The following WNT5A variants were observed in gnomAD, a reference collection of about 807,000 sequenced individuals.
WNT5A encodes Wnt family member 5A.
Under a neutral mutation model 42.1 loss-of-function variants are expected in WNT5A, and 9 were observed. The ratio of observed to expected loss-of-function variants is 0.21; its 90% CI spans 0.13 to 0.37. WNT5A has a LOEUF of 0.37. WNT5A is among the 10% of genes least tolerant of loss of function. The pLI is 1.00. For synonymous variants in WNT5A, 210 were observed against 210.0 expected (o/e 1.00, Z 0.00); for missense variants, 426 against 534.0 (o/e 0.80, Z 1.99).
intron 1 of WNT5A, among the ~76,000 whole-genome samples, chr3:55,486,458 G>T (rs913504930): frequency 6.6e-6 from 1 of 152,224 alleles, no homozygotes; most frequent in Admixed American, 6.5e-5. Context: ...CGTCGGTGCG[G>T]GGGGGTGTCG....
intron 1 of WNT5A, 146 bp from the exon 2 acceptor site, chr3:55,481,064 TA>T: frequency 1.1e-6 from 1 of 890,960 alleles, no homozygotes; most frequent in Non-Finnish European, 1.5e-6. Context: ...GATGGCAAGA[TA>T]TAGGCAGTTT....
At chr3:55,499,983 A>ACC in the WNT5A span, among the ~76,000 whole-genome samples, 238 of 12,052 alleles carry the variant, frequency 0.02, 2 homozygotes, top group African/African-American at 0.2. Flanking sequence ...CCCCCTCCAA[A>ACC]AAAAAAAAAA....
the WNT5A span, among the ~76,000 whole-genome samples, chr3:55,504,756 G>A: frequency 1.3e-5 from 2 of 152,236 alleles, 1 homozygote; most frequent in Admixed American, 1.3e-4. Flanking sequence ...AAGCCACTGT[G>A]CCCGGCCTAG....
intron 4 of WNT5A, among the ~76,000 whole-genome samples, chr3:55,471,164 G>C (rs1481474362): frequency 6.6e-6 from 1 of 152,170 alleles, no homozygotes; most frequent in Non-Finnish European, 1.5e-5. Flanking sequence ...CTGTGCACCA[G>C]GCACTATAAG....
intron 2 of WNT5A, 120 bp from the exon 3 acceptor site, chr3:55,479,684 C>T: frequency 7.4e-7 from 1 of 1,343,524 alleles, no homozygotes; most frequent in Non-Finnish European, 1.0e-6. Flanking sequence ...CCTGCTTGTC[C>T]TCATGACAAA....
rs2051184976 is a variant in WNT5A, at chr3:55,468,401, C to T, written c.*1691G>A. 6.6e-6 allele frequency: 1 copy of T among 152,078 alleles called. No individual in the cohort carries two copies. Among genetic ancestry groups the T allele is most frequent in the South Asian group, 2.1e-4 (1 of 4,820 alleles). The allele number at this position is 152,078 out of a possible 1,614,324, so 9.4% of individuals were successfully genotyped here. A position where few individuals can be genotyped will look rare whatever the true frequency, so the allele number is the denominator to read the frequency against. On this transcript the variant is annotated 3_prime_UTR_variant, in exon 5 of 5. Transcript: ENST00000264634. ...AGGCAGAAAAGAAAAAAGATATCTT[C>T]AACCCAACACGCATTTCAGTGAGTC... is the stretch of plus-strand genomic sequence containing the variant.
upstream of WNT5A, among the ~76,000 whole-genome samples, chr3:55,491,861 C>T (rs533552607): frequency 1.4e-4 from 21 of 152,350 alleles, no homozygotes; most frequent in African/African-American, 5.1e-4. Context: ...GCTGTGTGAG[C>T]AGGGCCACAG....
At chr3:55,503,484 C>G in the WNT5A span, among the ~76,000 whole-genome samples, 3 of 152,294 alleles carry the variant, frequency 2.0e-5, no homozygotes, top group East Asian at 1.9e-4. Context: ...GCTGTGGAGT[C>G]AGGATTTTAA....
the WNT5A span, among the ~76,000 whole-genome samples, chr3:55,501,413 A>T: frequency 1.2e-4 from 19 of 152,382 alleles, no homozygotes; most frequent in African/African-American, 4.3e-4. Context: ...GTGCACGCAC[A>T]GTTTTGGAGG....
intron 2 of WNT5A, among the ~76,000 whole-genome samples, chr3:55,480,363 A>C (rs1031822349): frequency 1.3e-5 from 2 of 152,238 alleles, no homozygotes; most frequent in Non-Finnish European, 2.9e-5. Flanking sequence ...AACTCTGCCT[A>C]ATTCAAACTC....
At chr3:55,477,003 G>A (rs2106932343) in intron 3 of WNT5A, among the ~76,000 whole-genome samples, 1 of 152,316 alleles carries the variant, frequency 6.6e-6, no homozygotes, top group Non-Finnish European at 1.5e-5. Context: ...CAAGGCAACT[G>A]GCATCTTAGA....
At chr3:55,504,702 G>C in the WNT5A span, among the ~76,000 whole-genome samples, 1 of 152,164 alleles carries the variant, frequency 6.6e-6, no homozygotes, top group African/African-American at 2.4e-5. Context: ...AACCTCAGGT[G>C]ATCTGCCCAC....
At position 55,487,076 on chromosome 3, in the gene WNT5A, G is replaced by T. The variant is rs1341030007; in HGVS notation, c.-91C>A. 1.7e-6 allele frequency: 2 copies of T among 1,165,590 alleles called. No homozygotes were observed. Among genetic ancestry groups the T allele is most frequent in the Non-Finnish European group, 2.5e-6 (2 of 800,172 alleles). 72.2% of individuals were successfully genotyped at this position (1,165,590 alleles called of 1,614,324 possible). ...GGAGCGACCGGGTTAAGCCTGGGGG[G>T]ACGGTCAGGAGCAGGGCTGCGGAGT... On this transcript the variant is annotated 5_prime_UTR_variant, in exon 1 of 5. Transcript: ENST00000264634.
At chr3:55,501,378 C>T in the WNT5A span, among the ~76,000 whole-genome samples, 2 of 152,168 alleles carry the variant, frequency 1.3e-5, no homozygotes, top group Non-Finnish European at 2.9e-5. Flanking sequence ...TTCATTTTAC[C>T]TAGTTCTTAC....
chr3:55,471,833 C>T (rs527949144), intron 4 of WNT5A, among the ~76,000 whole-genome samples: 1 of 152,302 alleles, frequency 6.6e-6, no homozygotes, highest in South Asian at 2.1e-4. Flanking sequence ...CTGTCAGGAA[C>T]CTGGAAGCTG....
intron 1 of WNT5A, among the ~76,000 whole-genome samples, chr3:55,482,388 T>C (rs2106967504): frequency 6.6e-6 from 1 of 152,204 alleles, no homozygotes; most frequent in South Asian, 2.1e-4. Flanking sequence ...AGTCTAACCC[T>C]GCCGCACTGC....
At chr3:55,472,393 G>A (rs1186232478) in intron 4 of WNT5A, among the ~76,000 whole-genome samples, 1 of 152,160 alleles carries the variant, frequency 6.6e-6, no homozygotes, top group Non-Finnish European at 1.5e-5. Context: ...CTGGATAGGG[G>A]CCTTTAAGAG....
At position 55,474,623 on chromosome 3, in the gene WNT5A, C is replaced by A. The variant is rs1300391603; in HGVS notation, c.398G>T (p.Arg133Leu). 1.6e-6 allele frequency: 2 copies of A among 1,233,712 alleles called. No homozygotes were observed. The highest frequency in any genetic ancestry group is 1.8e-5 in the African/African-American group (1 of 57,142). 76.4% of individuals were successfully genotyped at this position (1,233,712 alleles called of 1,614,324 possible). ...VFGRVMQIGS[R>L]ETAFTYAVSA... Reference sequence around the variant, plus strand: ...CACCGCGTATGTGAAGGCCGTCTCGCGGCTGCCTGTGGGTGAGGACAAGGG... The same window carrying A: ...CACCGCGTATGTGAAGGCCGTCTCGAGGCTGCCTGTGGGTGAGGACAAGGG... Residue 133 changes from arginine to leucine, a missense_variant, in exon 4 of 5, where the codon CGC becomes CTC. By Grantham distance (102) the Arg-to-Leu change is moderately radical (BLOSUM62 -2). Around this residue, in one of 3 missense-constraint regions of WNT5A, gnomAD observed 358 missense variants for 468.1 expected, o/e 0.76. Transcript: ENST00000264634.
At chr3:55,490,011 A>G (rs925410142), upstream of WNT5A, 47 of 152,436 alleles carry the variant, frequency 3.1e-4, no homozygotes, top group African/African-American at 8.9e-4. Flanking sequence ...CCCCGCGGGC[A>G]GGGATCTCCG....
Sources: allele counts gnomAD v4.1 joint callset (sites outside exome capture counted in the v4.1 genomes callset), GRCh38; gene constraint gnomAD v4.1.1; regional missense constraint gnomAD v4.1.1; transcripts MANE v1.5; gene names NCBI Gene and HGNC (gene_info 2026-07-23, HGNC 2026-07-21).